CCDC85A: variants seen among roughly 807,000 people sequenced by gnomAD.
CCDC85A encodes coiled-coil domain containing 85A, also known as coiled-coil domain-containing protein 85A.
A neutral mutation model predicts 50.2 loss-of-function variants in CCDC85A; 38 were observed. That is an observed-to-expected ratio of 0.76 (90% confidence interval 0.58 to 0.99). CCDC85A has a LOEUF of 0.99. CCDC85A is among the 50% of genes least tolerant of loss of function. The pLI, the probability that CCDC85A is intolerant of heterozygous loss-of-function variation, is 0.00. For synonymous variants in CCDC85A, 366 were observed against 301.4 expected (o/e 1.21, Z -2.22); for missense variants, 820 against 742.0 (o/e 1.11, Z -1.22).
intron 4 of CCDC85A, among the ~76,000 whole-genome samples, chr2:56,372,813 CT>C (rs1676143696): frequency 1.3e-5 from 2 of 152,174 alleles, no homozygotes; most frequent in Non-Finnish European, 2.9e-5. Flanking sequence ...CTCCTTTGCC[CT>C]TTAAAATTGT....
At position 56,384,848 on chromosome 2, in the gene CCDC85A, C is replaced by G. The variant is rs773231218; in HGVS notation, c.*493C>G. The G allele has an allele frequency of 9.2e-5, 14 of 152,618 alleles. No homozygotes were observed. The highest frequency in any genetic ancestry group is 7.9e-4 in the Admixed American group (12 of 15,234). The allele number at this position is 152,618 out of a possible 1,614,324, so 9.5% of individuals were successfully genotyped here. A position where few individuals can be genotyped will look rare whatever the true frequency, so the allele number is the denominator to read the frequency against. ...GAGAGTTGGGCATTTACCTCTTACACTTCAGTCAACAAACAAACTAGTAAT... is the reference window on the plus strand; with the variant it reads ...GAGAGTTGGGCATTTACCTCTTACAGTTCAGTCAACAAACAAACTAGTAAT... On this transcript the variant is annotated 3_prime_UTR_variant, in exon 6 of 6. Coordinates refer to ENST00000407595, the MANE Select transcript of CCDC85A (RefSeq NM_001080433.2).
At chr2:56,230,044 A>T (rs1668712291) in intron 2 of CCDC85A, among the ~76,000 whole-genome samples, 1 of 152,182 alleles carries the variant, frequency 6.6e-6, no homozygotes, top group Admixed American at 6.5e-5. Context: ...TTGAGTAAGT[A>T]TTGCTGGGCC....
chr2:56,201,635 G>A (rs1009546546), intron 2 of CCDC85A, among the ~76,000 whole-genome samples: 5 of 152,028 alleles, frequency 3.3e-5, no homozygotes, highest in African/African-American at 1.2e-4. Flanking sequence ...TGCTTTTGGG[G>A]GCATGGTTTG....
chr2:56,236,068 A>G (rs565430594), intron 2 of CCDC85A, among the ~76,000 whole-genome samples: 2 of 152,342 alleles, frequency 1.3e-5, no homozygotes, highest in East Asian at 3.9e-4. Flanking sequence ...GTGATGCTAG[A>G]AAAAAGGCTG....
rs1675883979 is a variant in CCDC85A, at chr2:56,184,139, C to A, written c.-486C>A. 1 of 985,508 alleles carries A rather than the reference C, an allele frequency of 1.0e-6. No homozygotes were observed. Among genetic ancestry groups the A allele is most frequent in the Admixed American group, 6.1e-5 (1 of 16,264 alleles). 61.0% of individuals were successfully genotyped at this position (985,508 alleles called of 1,614,324 possible). A position where few individuals can be genotyped will look rare whatever the true frequency, so the allele number is the denominator to read the frequency against. On this transcript the variant is annotated 5_prime_UTR_variant, in exon 1 of 6. Coordinates refer to ENST00000407595, the MANE Select transcript of CCDC85A (RefSeq NM_001080433.2). Reference sequence around the variant, plus strand: ...GCCGGGGAGGCGCCGCGGTGCCCGGCGCGCCCTCCAAGCTAGGAGAGGGGA... The same window carrying A: ...GCCGGGGAGGCGCCGCGGTGCCCGGAGCGCCCTCCAAGCTAGGAGAGGGGA...
At position 56,336,149 on chromosome 2, in the gene CCDC85A, T is replaced by C. The variant is rs545517288; in HGVS notation, c.1241-6730T>C. Among the ~76,000 whole-genome samples the C allele has an allele frequency of 5.3e-5, 8 of 152,128 alleles. 1 individual carries two copies. The South Asian group carries it at 1.5e-3, about 28-fold the overall frequency. On this transcript the variant is annotated intron_variant, in intron 2 of 5. Transcript: ENST00000407595. ...TAATTTTCCTCATATACACTCTTTA[T>C]TTATTTATTTATTTATTTTTTCAGA...
chr2:56,272,870 G>A (rs1199956425), intron 2 of CCDC85A, among the ~76,000 whole-genome samples: 1 of 152,136 alleles, frequency 6.6e-6, no homozygotes, highest in Non-Finnish European at 1.5e-5. Flanking sequence ...AATGTGAATA[G>A]GCAGGCCAAT....
chr2:56,339,759 A>G (rs1273438555), intron 2 of CCDC85A, among the ~76,000 whole-genome samples: 1 of 151,998 alleles, frequency 6.6e-6, no homozygotes, highest in African/African-American at 2.4e-5. Flanking sequence ...TTTTTTCCAG[A>G]GGAAAGAGCA....
chr2:56,383,637 G>T (rs1378970802), intron 5 of CCDC85A: 1 of 984,812 alleles, frequency 1.0e-6, no homozygotes, highest in Non-Finnish European at 1.2e-6. Flanking sequence ...ACATCATATT[G>T]CTTGGTAGCT....
intron 2 of CCDC85A, among the ~76,000 whole-genome samples, chr2:56,196,839 G>A (rs1463908371): frequency 6.8e-6 from 1 of 146,382 alleles, no homozygotes; most frequent in Non-Finnish European, 1.5e-5. Context: ...GGAATAAATA[G>A]ACGAAGAAAT....
Position 56,192,478 on chromosome 2 carries a change from A to T in CCDC85A, c.278A>T (p.Asp93Val). The change falls in exon 2 of 6, where the codon GAT becomes GTT. Residue 93 changes from aspartate to valine, a missense_variant and splice_region_variant. Coordinates refer to ENST00000407595, the MANE Select transcript of CCDC85A (RefSeq NM_001080433.2). The surrounding 1 kb of genome is among the most constrained non-coding windows in gnomAD (Gnocchi z 4.7). ...GAATGGTTGTGTCTCTCTTTTCAGGATATCAACCAGAAACTCCAGGAAGAC... is the reference window on the plus strand; with the variant it reads ...GAATGGTTGTGTCTCTCTTTTCAGGTTATCAACCAGAAACTCCAGGAAGAC... ...LHLGEIRGLK[D>V]INQKLQEDNQ... 6.2e-7 allele frequency: 1 copy of T among 1,606,972 alleles called. No homozygotes were observed. The highest frequency in any genetic ancestry group is 8.5e-7 in the Non-Finnish European group (1 of 1,176,686).
intron 2 of CCDC85A, among the ~76,000 whole-genome samples, chr2:56,260,934 A>G (rs962702620): frequency 2.0e-5 from 3 of 152,212 alleles, no homozygotes; most frequent in Non-Finnish European, 4.4e-5. Context: ...GCCTTCACAA[A>G]AAATAATAAT....
chr2:56,340,341 G>C (rs1275043762), intron 2 of CCDC85A, among the ~76,000 whole-genome samples: 1 of 152,140 alleles, frequency 6.6e-6, no homozygotes, highest in East Asian at 1.9e-4. Context: ...TGGATCCTTA[G>C]GGGCTCCAAA....
intron 3 of CCDC85A, among the ~76,000 whole-genome samples, chr2:56,350,085 T>C (rs1356251654): frequency 6.7e-6 from 1 of 149,514 alleles, no homozygotes; most frequent in Non-Finnish European, 1.5e-5. Flanking sequence ...CTTCTTTTGC[T>C]TAAAAAAAAA....
At chr2:56,311,819 G>T (rs1277602789) in intron 2 of CCDC85A, among the ~76,000 whole-genome samples, 3 of 152,040 alleles carry the variant, frequency 2.0e-5, no homozygotes. Context: ...AGGGATTCAG[G>T]GTTTCATAGC....
Position 56,334,839 on chromosome 2 carries a change from A to T in CCDC85A, c.1241-8040A>T, listed in dbSNP as rs1481644615. 2.0e-5 allele frequency among the ~76,000 whole-genome samples: 3 copies of T among 152,178 alleles called. No homozygotes were observed. In the East Asian group the frequency reaches 5.8e-4, roughly 29 times the overall value. On this transcript the variant is annotated intron_variant, in intron 2 of 5. Transcript: ENST00000407595. ...GTGGGCAGAGACACAGAGCTAAGAG[A>T]GCTCTGGGCCAAAGACAAACTGAAA...
intron 2 of CCDC85A, among the ~76,000 whole-genome samples, chr2:56,253,072 A>G: frequency 6.6e-6 from 1 of 152,144 alleles, no homozygotes; most frequent in Middle Eastern, 3.2e-3. Flanking sequence ...TACAGACAGA[A>G]GAAGACTGTT....
intron 2 of CCDC85A, among the ~76,000 whole-genome samples, chr2:56,285,383 C>A (rs894154435): frequency 2.7e-5 from 4 of 149,716 alleles, no homozygotes; most frequent in Admixed American, 1.3e-4. Context: ...GGATTATAGG[C>A]GTGAGCCAAC....
intron 2 of CCDC85A, among the ~76,000 whole-genome samples, chr2:56,315,207 G>A (rs1267376047): frequency 6.6e-6 from 1 of 152,068 alleles, no homozygotes; most frequent in Non-Finnish European, 1.5e-5. Flanking sequence ...GATTGACTGA[G>A]GTAATTCCTT....
Sources: gnomAD v4.1 joint callset for allele counts (sites outside exome capture counted in the v4.1 genomes callset) on GRCh38, gnomAD v4.1.1 for gene constraint, Gnocchi (gnomAD v3.1) non-coding constraint, MANE v1.5 for transcripts, NCBI Gene and HGNC (gene_info 2026-07-23, HGNC 2026-07-21) for gene names.